FKBP15: variants seen among roughly 807,000 people sequenced by gnomAD.
The protein encoded by FKBP15 is FKBP prolyl isomerase family member 15, also known as FK506-binding protein 15.
Under a neutral mutation model 158.1 loss-of-function variants are expected in FKBP15, and 106 were observed. The ratio of observed to expected loss-of-function variants is 0.67; its 90% CI spans 0.57 to 0.79. The LOEUF (loss-of-function observed/expected upper bound fraction) is 0.79. Among genes scored for constraint, FKBP15 ranks in the 30% least tolerant of loss-of-function variants. FKBP15 has a pLI of 0.00. For synonymous variants in FKBP15, 547 were observed against 548.6 expected (o/e 1.00, Z 0.04); for missense variants, 1,287 against 1,479.1 (o/e 0.87, Z 2.13).
In FKBP15 at chr9:113,161,285, C is replaced by G. The variant is rs1409141214; in HGVS notation, c.*4793G>C. The stretch of plus-strand genomic sequence containing the variant: ...GGTAATGGTACGTGGCTTCTTCACC[C>G]TCAGCCCCTGGATTTTTCAGGTGGC... On this transcript the variant is annotated 3_prime_UTR_variant, in exon 28 of 28. Coordinates refer to ENST00000238256, the MANE Select transcript of FKBP15 (RefSeq NM_015258.2). 1.8e-6 allele frequency: 1 copy of G among 545,270 alleles called. No homozygotes were observed. The highest frequency in any genetic ancestry group is 3.2e-5 in the East Asian group (1 of 31,692). 33.8% of individuals were successfully genotyped at this position (545,270 alleles called of 1,614,324 possible).
In FKBP15 at chr9:113,164,686, AGCCCAGGCTC is replaced by A. The variant is rs1830070897; in HGVS notation, c.*1382_*1391del. The A allele has an allele frequency of 6.6e-6, 1 of 152,234 alleles. No homozygotes were observed. The highest frequency in any genetic ancestry group is 6.5e-5 in the Admixed American group (1 of 15,288). 9.4% of individuals were successfully genotyped at this position (152,234 alleles called of 1,614,324 possible). The stretch of plus-strand genomic sequence containing the variant: ...TGACAGTCAGGCTGTGCTGGCCAAG[AGCCCAGGCTC>A]TGGAATCAGATGGCCAGGATTTGAA... On this transcript the variant is annotated 3_prime_UTR_variant, in exon 28 of 28. Coordinates refer to ENST00000238256, the MANE Select transcript of FKBP15 (RefSeq NM_015258.2).
Position 113,178,715 on chromosome 9 carries a change from T to C in FKBP15, c.2001A>G (p.Thr667=), listed in dbSNP as rs754715896. The C allele has an allele frequency of 6.2e-7, 1 of 1,609,056 alleles. No individual in the cohort carries two copies. Among genetic ancestry groups the C allele is most frequent in the Non-Finnish European group, 8.5e-7 (1 of 1,177,644 alleles). ...LKMTAHQKKE[T]ELQMQLTESL... Reference sequence around the variant, plus strand: ...TTTCTGTCAGCTGCATCTGCAGCTCTGTTTCCTTTTTTTGGTGAGCAGTCA... The same window carrying C: ...TTTCTGTCAGCTGCATCTGCAGCTCCGTTTCCTTTTTTTGGTGAGCAGTCA... The change falls in exon 20 of 28, where the codon ACA becomes ACG. Residue 667 remains threonine (T), a synonymous_variant. Coordinates refer to ENST00000238256, the MANE Select transcript of FKBP15 (RefSeq NM_015258.2).
At position 113,219,251 on chromosome 9, in the gene FKBP15, T is replaced by C. The variant is rs369004958; in HGVS notation, c.53+1940A>G. 3.3e-5 allele frequency among the ~76,000 whole-genome samples: 5 copies of C among 152,228 alleles called. No homozygotes were observed. The South Asian group carries it at 8.3e-4, about 25-fold the overall frequency. ...AGATTATCAGATACTCCTACTTCTATTAGGCTTGAATATCCTTCATGAAAT... is the reference window on the plus strand; with the variant it reads ...AGATTATCAGATACTCCTACTTCTACTAGGCTTGAATATCCTTCATGAAAT... On this transcript the variant is annotated intron_variant, in intron 1 of 27. Coordinates refer to ENST00000238256, the MANE Select transcript of FKBP15 (RefSeq NM_015258.2).
At chr9:113,186,412 CT>C in intron 14 of FKBP15, 49 bp from the exon 15 acceptor site, 1 of 1,317,424 alleles carries the variant, frequency 7.6e-7, no homozygotes, top group Non-Finnish European at 1.1e-6. Flanking sequence ...TCATGTCTTT[CT>C]TTTTTGTTCA....
chr9:113,207,100 G>T, intron 3 of FKBP15, 112 bp downstream of exon 3: 1 of 787,608 alleles, frequency 1.3e-6, no homozygotes, highest in Non-Finnish European at 2.1e-6. Flanking sequence ...TATTTTGTCC[G>T]TGGAAGGGCT....
Position 113,161,960 on chromosome 9 carries a change from C to T in FKBP15, c.*4118G>A. The T allele has an allele frequency of 1.8e-6, 1 of 564,748 alleles. No homozygotes were observed. 35.0% of individuals were successfully genotyped at this position (564,748 alleles called of 1,614,324 possible). On this transcript the variant is annotated 3_prime_UTR_variant, in exon 28 of 28. Transcript: ENST00000238256. Reference sequence around the variant, plus strand: ...GGGAACAGTGATCTTCAGGTGCAGGCCCCTATCTAGCAAATGAGGTGGCCA... The same window carrying T: ...GGGAACAGTGATCTTCAGGTGCAGGTCCCTATCTAGCAAATGAGGTGGCCA...
Position 113,163,024 on chromosome 9 carries a change from T to G in FKBP15, c.*3054A>C. 9.1e-7 allele frequency: 1 copy of G among 1,095,426 alleles called. No homozygotes were observed. 67.9% of individuals were successfully genotyped at this position (1,095,426 alleles called of 1,614,324 possible). A position where few individuals can be genotyped will look rare whatever the true frequency, so the allele number is the denominator to read the frequency against. The stretch of plus-strand genomic sequence containing the variant: ...TTCTGATGGCTATTCCTCCACCTTA[T>G]TCCCAGCCCCTGGAAACTTTGAGCT... On this transcript the variant is annotated 3_prime_UTR_variant, in exon 28 of 28. Coordinates refer to ENST00000238256, the MANE Select transcript of FKBP15 (RefSeq NM_015258.2).
chr9:113,203,528 CT>C (rs35048381), intron 4 of FKBP15, among the ~76,000 whole-genome samples: 31,288 of 144,808 alleles, frequency 0.22, 3,469 homozygotes, highest in African/African-American at 0.3. Flanking sequence ...ATTAATTTTG[CT>C]TTTTTTTTTT....
At chr9:113,196,864 C>A (rs757395604) in intron 9 of FKBP15, 68 bp downstream of exon 9, 279 of 1,532,028 alleles carry the variant, frequency 1.8e-4, no homozygotes, top group Non-Finnish European at 2.0e-4. Context: ...TTTATTTATT[C>A]ATTTTGTGTA....
intron 19 of FKBP15, among the ~76,000 whole-genome samples, chr9:113,180,599 CAG>C (rs1459990839): frequency 6.6e-6 from 1 of 151,776 alleles, no homozygotes; most frequent in Non-Finnish European, 1.5e-5. Flanking sequence ...TTCAGAAAAA[CAG>C]TGAAAAAAAG....
chr9:113,210,978 G>C (rs1161545574), intron 2 of FKBP15, among the ~76,000 whole-genome samples: 1 of 152,122 alleles, frequency 6.6e-6, no homozygotes, highest in African/African-American at 2.4e-5. Context: ...CCCTACTTTT[G>C]AGGTTTTGAG....
chr9:113,204,081 C>A lies in FKBP15; in HGVS notation c.325-1046G>T, dbSNP rs892242688. On this transcript the variant is annotated intron_variant, in intron 4 of 27. Transcript: ENST00000238256. ...ATGATACTTCTATGAACATTCTCCACGTCATTTTTTTTTGAGATGACGTTT... is the reference window on the plus strand; with the variant it reads ...ATGATACTTCTATGAACATTCTCCAAGTCATTTTTTTTTGAGATGACGTTT... Among the ~76,000 whole-genome samples, 4 of 142,058 alleles carry A rather than the reference C, an allele frequency of 2.8e-5. No homozygotes were observed. In the South Asian group the frequency reaches 8.7e-4, roughly 31 times the overall value. The allele number at this position is 142,058 out of a possible 152,430, so 93.2% of individuals were successfully genotyped here. A position where few individuals can be genotyped will look rare whatever the true frequency, so the allele number is the denominator to read the frequency against.
In FKBP15 at chr9:113,171,562, A is replaced by G. The variant is rs997704736; in HGVS notation, c.2658+19T>C. On this transcript the variant is annotated intron_variant, in intron 24 of 27. Coordinates refer to ENST00000238256, the MANE Select transcript of FKBP15 (RefSeq NM_015258.2). Reference sequence around the variant, plus strand: ...GCTTGATATAAATGGCTTGCTTCTCATTTGAAATACCAGCTCACCTTCTCT... The same window carrying G: ...GCTTGATATAAATGGCTTGCTTCTCGTTTGAAATACCAGCTCACCTTCTCT... The G allele has an allele frequency of 1.2e-6, 2 of 1,604,860 alleles. No homozygotes were observed. Among genetic ancestry groups the G allele is most frequent in the Admixed American group, 3.4e-5 (2 of 58,582 alleles).
At chr9:113,195,551 G>A (rs879745828) in intron 9 of FKBP15, among the ~76,000 whole-genome samples, 1 of 152,224 alleles carries the variant, frequency 6.6e-6, no homozygotes, top group African/African-American at 2.4e-5. Context: ...CCAGCAGGAT[G>A]AGAGTGTCCA....
chr9:113,182,944 T>C, intron 18 of FKBP15, 76 bp from the exon 19 acceptor site: 1 of 1,172,374 alleles, frequency 8.5e-7, no homozygotes. Context: ...ATGCCCATTC[T>C]GTCCTCACAA....
At position 113,162,914 on chromosome 9, in the gene FKBP15, T is replaced by C. The variant is rs771625838; in HGVS notation, c.*3164A>G. The C allele has an allele frequency of 4.4e-6, 7 of 1,606,990 alleles. No individual in the cohort carries two copies. The African/African-American group carries it at 8.0e-5, about 18-fold the overall frequency. On this transcript the variant is annotated 3_prime_UTR_variant, in exon 28 of 28. Coordinates refer to ENST00000238256, the MANE Select transcript of FKBP15 (RefSeq NM_015258.2). ...TAGCTTACCCACTTCTCAGCACAGC[T>C]TAGCTGGTGAGGAACGTGCAGGCAC...
intron 21 of FKBP15, among the ~76,000 whole-genome samples, chr9:113,175,746 C>T (rs576391661): frequency 4.7e-4 from 71 of 152,172 alleles, no homozygotes. Context: ...AGAGAATGTA[C>T]ATAAGAAATA....
chr9:113,201,163 C>A (rs1163017916), intron 6 of FKBP15, among the ~76,000 whole-genome samples: 2 of 149,544 alleles, frequency 1.3e-5, no homozygotes, highest in African/African-American at 2.5e-5. Flanking sequence ...TAAATGCTGG[C>A]AAAGGTACGA....
At chr9:113,204,188 C>T (rs1234528716) in intron 4 of FKBP15, among the ~76,000 whole-genome samples, 1 of 152,206 alleles carries the variant, frequency 6.6e-6, no homozygotes, top group Non-Finnish European at 1.5e-5. Flanking sequence ...AGCAATTCTC[C>T]TGCCCCAGCC....
Sources: gnomAD v4.1 joint callset for allele counts (sites outside exome capture counted in the v4.1 genomes callset) on GRCh38, gnomAD v4.1.1 for gene constraint, MANE v1.5 for transcripts, NCBI Gene and HGNC (gene_info 2026-07-23, HGNC 2026-07-21) for gene names.